SLC1A2: variants seen among roughly 807,000 people sequenced by gnomAD.
The protein encoded by SLC1A2 is excitatory amino acid transporter 2.
In SLC1A2, 15 loss-of-function variants were observed where a neutral mutation model predicts 48.8. The ratio of observed to expected loss-of-function variants is 0.31; its 90% confidence interval spans 0.21 to 0.47. SLC1A2 has a LOEUF of 0.47. Ranked by LOEUF, SLC1A2 falls within the 20% of genes least tolerant of loss-of-function variation. The probability of loss-of-function intolerance (pLI) is 0.99; values close to 1 mark genes in which losing one functional copy is unlikely to be tolerated. For synonymous variants in SLC1A2, 279 were observed against 272.6 expected, an observed-to-expected ratio of 1.02 and a Z score of -0.23; for missense variants, 502 against 730.5, an observed-to-expected ratio of 0.69 and a Z score of 3.61.
intron 1 of SLC1A2, among the ~76,000 whole-genome samples, chr11:35,358,116 G>A (rs1853547929): frequency 6.6e-6 from 1 of 151,852 alleles, no homozygotes; most frequent in South Asian, 2.1e-4. Context: ...CTGTACTCCA[G>A]CCTGGCAACA....
chr11:35,382,765 C>T (rs1205455771), intron 1 of SLC1A2, among the ~76,000 whole-genome samples: 1 of 151,278 alleles, frequency 6.6e-6, no homozygotes, highest in Non-Finnish European at 1.5e-5. Flanking sequence ...CACTGCACTC[C>T]AGCTTGGGCA....
At chr11:35,345,982 G>T (rs1420905128) in intron 1 of SLC1A2, among the ~76,000 whole-genome samples, 1 of 152,092 alleles carries the variant, frequency 6.6e-6, no homozygotes, top group Non-Finnish European at 1.5e-5. Flanking sequence ...AAGTCACAGA[G>T]AAATTAAGTA....
At chr11:35,309,960 T>G (rs755518949) in intron 4 of SLC1A2, among the ~76,000 whole-genome samples, 48 of 152,318 alleles carry the variant, frequency 3.2e-4, no homozygotes, top group Middle Eastern at 3.4e-3. Context: ...GGGTCAGGGC[T>G]GGCGTGGGGC....
chr11:35,309,523 C>T (rs1198125235), intron 4 of SLC1A2, among the ~76,000 whole-genome samples: 1 of 152,214 alleles, frequency 6.6e-6, no homozygotes, highest in Non-Finnish European at 1.5e-5. Context: ...CTGGAGACCT[C>T]TCTGCTCACA....
At chr11:35,269,932 C>T (rs1350421242) in intron 9 of SLC1A2, among the ~76,000 whole-genome samples, 1 of 151,916 alleles carries the variant, frequency 6.6e-6, no homozygotes, top group Non-Finnish European at 1.5e-5. Context: ...CTCTACTAAA[C>T]CCAGTCTCTA....
rs1304349772 is a variant in SLC1A2, at chr11:35,403,044, T to G, written c.17+15906A>C. ...CAAGAGACTGATGGATAACCCCATC[T>G]AAGCTCAACAGACTAAAAGTAACAC... is the stretch of plus-strand genomic sequence containing the variant. On this transcript the variant is annotated intron_variant, in intron 1 of 10. Transcript: ENST00000278379. Among the ~76,000 whole-genome samples, 3 of 152,230 alleles carry G rather than the reference T, an allele frequency of 2.0e-5. No individual in the cohort carries two copies. The East Asian group carries it at 5.8e-4, about 29-fold the overall frequency.
chr11:35,322,699 CAG>C (rs778650239), intron 1 of SLC1A2: 22 of 1,354,156 alleles, frequency 1.6e-5, no homozygotes, highest in Non-Finnish European at 2.2e-5. Context: ...AGAACAAAAA[CAG>C]TGCTCACTGC....
At chr11:35,323,715 GGTA>G (rs1397486565) in intron 1 of SLC1A2, among the ~76,000 whole-genome samples, 6 of 152,202 alleles carry the variant, frequency 3.9e-5, no homozygotes, top group Non-Finnish European at 7.3e-5. Context: ...CACAGGGAAA[GGTA>G]GAGATGAGCG....
intron 1 of SLC1A2, among the ~76,000 whole-genome samples, chr11:35,397,425 G>A (rs1043704147): frequency 1.4e-5 from 2 of 146,372 alleles, no homozygotes; most frequent in African/African-American, 5.0e-5. Flanking sequence ...ACAAGCAATG[G>A]GGAAAGGATT....
At chr11:35,413,641 A>G (rs1329132417) in intron 1 of SLC1A2, 3 of 152,148 alleles carry the variant, frequency 2.0e-5, no homozygotes, top group Admixed American at 1.3e-4. Flanking sequence ...CTGTGAGCCT[A>G]TAAGAATATA....
At chr11:35,272,975 C>T (rs1008337336) in intron 9 of SLC1A2, among the ~76,000 whole-genome samples, 1 of 152,168 alleles carries the variant, frequency 6.6e-6, no homozygotes, top group South Asian at 2.1e-4. Context: ...AATCCTCCAA[C>T]AGGGAAATGT....
intron 1 of SLC1A2, among the ~76,000 whole-genome samples, chr11:35,415,358 T>C (rs188807030): frequency 6.6e-5 from 10 of 152,374 alleles, no homozygotes; most frequent in African/African-American, 2.4e-4. Context: ...AAGCTTTCAA[T>C]TACTCACAAG....
intron 5 of SLC1A2, among the ~76,000 whole-genome samples, chr11:35,302,739 C>T (rs1054235747): frequency 6.6e-6 from 1 of 151,804 alleles, no homozygotes; most frequent in South Asian, 2.1e-4. Context: ...CGGTACCTCA[C>T]GCTCAGGCCT....
chr11:35,277,601 C>T (rs1287234328), intron 9 of SLC1A2, among the ~76,000 whole-genome samples: 1 of 152,070 alleles, frequency 6.6e-6, no homozygotes, highest in Non-Finnish European at 1.5e-5. Context: ...TGGTTTAAAG[C>T]CTTGGAAATA....
chr11:35,364,663 T>C (rs1435512195), intron 1 of SLC1A2, among the ~76,000 whole-genome samples: 2 of 152,212 alleles, frequency 1.3e-5, no homozygotes, highest in African/African-American at 4.8e-5. Context: ...AGTTTCTTCA[T>C]ATGTAAAATG....
intron 6 of SLC1A2, chr11:35,297,976 A>C (rs1020411673): frequency 6.6e-6 from 1 of 152,228 alleles, no homozygotes; most frequent in Non-Finnish European, 1.5e-5. Context: ...GCCTAAAGTC[A>C]CACAACTTGC....
intron 2 of SLC1A2, chr11:35,315,941 G>A (rs966899072): frequency 1.3e-5 from 2 of 152,188 alleles, no homozygotes; most frequent in Non-Finnish European, 2.9e-5. Flanking sequence ...GTAACTGGAG[G>A]CAAGATAAAA....
At chr11:35,261,293 GC>G (rs1169963924) in intron 10 of SLC1A2, among the ~76,000 whole-genome samples, 28 of 152,158 alleles carry the variant, frequency 1.8e-4, no homozygotes, top group African/African-American at 6.8e-4. Flanking sequence ...AAAATACAGT[GC>G]CCATGTGCTA....
intron 1 of SLC1A2, chr11:35,360,154 A>C: frequency 2.3e-6 from 2 of 880,606 alleles, no homozygotes; most frequent in Non-Finnish European, 2.7e-6. Context: ...GGGGCTTTAA[A>C]GTTTACCTAC....
Sources: allele counts gnomAD v4.1 joint callset (sites outside exome capture counted in the v4.1 genomes callset), GRCh38; gene constraint gnomAD v4.1.1; transcripts MANE v1.5; gene names NCBI Gene and HGNC (gene_info 2026-07-23, HGNC 2026-07-21).